The following FAF1 variants were observed in gnomAD, a reference collection of about 807,000 sequenced individuals.
FAF1 encodes Fas associated factor 1.
A neutral mutation model predicts 92.5 loss-of-function variants in FAF1; 25 were observed. The ratio of observed to expected loss-of-function variants is 0.27; its 90% CI spans 0.20 to 0.38. The LOEUF (loss-of-function observed/expected upper bound fraction) is 0.38. FAF1 is among the 10% of genes least tolerant of loss of function. The pLI, the probability that FAF1 is intolerant of heterozygous loss-of-function variation, is 1.00. For missense variants in FAF1, 636 were observed against 793.3 expected, an observed-to-expected ratio of 0.80 and a Z score of 2.38; for synonymous variants, 234 against 273.2, an observed-to-expected ratio of 0.86 and a Z score of 1.42.
At position 50,591,960 on chromosome 1, in the gene FAF1, T is replaced by C. The variant is rs538576901; in HGVS notation, c.840+4161A>G. Among the ~76,000 whole-genome samples the C allele has an allele frequency of 2.0e-5, 3 of 152,298 alleles. No homozygotes were observed. In the East Asian group the frequency reaches 5.8e-4, roughly 29 times the overall value. ...GTCACCTCCTCTAGTCTTTTTTTAT[T>C]TCCTTTATTTAAAAAATATTCATTT... On this transcript the variant is annotated intron_variant, in intron 9 of 18. Coordinates refer to ENST00000396153, the MANE Select transcript of FAF1 (RefSeq NM_007051.3).
Position 50,441,356 on chromosome 1 carries a change from T to C in FAF1, c.*84A>G. 2.8e-6 allele frequency: 2 copies of C among 709,326 alleles called. No individual in the cohort carries two copies. Among genetic ancestry groups the C allele is most frequent in the Non-Finnish European group, 4.6e-6 (2 of 433,558 alleles). The allele number at this position is 709,326 out of a possible 1,614,324, so 43.9% of individuals were successfully genotyped here. ...GACATTGAATTGAGTGAGACGAGCGTGTGGGTGGGTTGGCGAGGAGCCCTT... is the reference window on the plus strand; with the variant it reads ...GACATTGAATTGAGTGAGACGAGCGCGTGGGTGGGTTGGCGAGGAGCCCTT... On this transcript the variant is annotated 3_prime_UTR_variant, in exon 19 of 19. Transcript: ENST00000396153.
chr1:50,525,104 T>A (rs1267338241), intron 15 of FAF1, among the ~76,000 whole-genome samples: 1 of 152,210 alleles, frequency 6.6e-6, no homozygotes, highest in African/African-American at 2.4e-5. Flanking sequence ...CAGGCTGGTC[T>A]CAAACTCCTG....
intron 4 of FAF1, among the ~76,000 whole-genome samples, chr1:50,772,979 A>C (rs1356241178): frequency 6.6e-6 from 1 of 152,240 alleles, no homozygotes; most frequent in Non-Finnish European, 1.5e-5. Flanking sequence ...AATGGCAAAG[A>C]CTACAAGACA....
intron 2 of FAF1, among the ~76,000 whole-genome samples, chr1:50,822,744 T>TTTTC (rs1644054466): frequency 1.4e-5 from 1 of 70,452 alleles, no homozygotes; most frequent in African/African-American, 5.0e-5. Flanking sequence ...TTTTTTGGTG[T>TTTTC]TTTTTCTTTC....
At chr1:50,649,838 G>A (rs976227592) in intron 8 of FAF1, among the ~76,000 whole-genome samples, 13 of 151,764 alleles carry the variant, frequency 8.6e-5, no homozygotes, top group Non-Finnish European at 1.5e-5. Flanking sequence ...GATGGCACGT[G>A]CCTGTAGTCC....
intron 7 of FAF1, among the ~76,000 whole-genome samples, chr1:50,686,973 C>T (rs909106118): frequency 6.6e-6 from 1 of 151,994 alleles, no homozygotes; most frequent in East Asian, 1.9e-4. Flanking sequence ...GGATTACAGG[C>T]GCATGCCACC....
At chr1:50,694,044 G>GACAT (rs1230198125) in intron 7 of FAF1, among the ~76,000 whole-genome samples, 5 of 151,620 alleles carry the variant, frequency 3.3e-5, no homozygotes, top group African/African-American at 7.3e-5. Context: ...ACATATACAT[G>GACAT]ACATGTATGA....
At chr1:50,543,633 T>C (rs1190671588) in intron 13 of FAF1, among the ~76,000 whole-genome samples, 1 of 152,212 alleles carries the variant, frequency 6.6e-6, no homozygotes, top group Admixed American at 6.5e-5. Context: ...TTTAACACTT[T>C]TATCATCATT....
At chr1:50,603,948 G>T (rs1246855491) in intron 8 of FAF1, among the ~76,000 whole-genome samples, 1 of 152,172 alleles carries the variant, frequency 6.6e-6, no homozygotes, top group African/African-American at 2.4e-5. Flanking sequence ...GCCTGGCCTT[G>T]CTGCGTTATA....
At chr1:50,709,607 T>A (rs1657832299) in intron 6 of FAF1, among the ~76,000 whole-genome samples, 1 of 152,122 alleles carries the variant, frequency 6.6e-6, no homozygotes. Flanking sequence ...TTGTCCCTGG[T>A]CATCAAGCTA....
intron 18 of FAF1, among the ~76,000 whole-genome samples, chr1:50,456,156 A>G (rs1298443997): frequency 6.6e-6 from 1 of 152,018 alleles, no homozygotes; most frequent in Non-Finnish European, 1.5e-5. Context: ...ATTCAGGCTC[A>G]ATTATAGTGC....
At chr1:50,726,578 C>T (rs1658666693) in intron 6 of FAF1, among the ~76,000 whole-genome samples, 1 of 152,074 alleles carries the variant, frequency 6.6e-6, no homozygotes, top group Non-Finnish European at 1.5e-5. Flanking sequence ...GCCTGTAATC[C>T]CAGCACTTTG....
intron 7 of FAF1, among the ~76,000 whole-genome samples, chr1:50,693,999 TTATA>T: frequency 6.8e-6 from 1 of 147,052 alleles, no homozygotes; most frequent in East Asian, 1.9e-4. Flanking sequence ...ATATGTGTCA[TTATA>T]TATATACATG....
intron 18 of FAF1, among the ~76,000 whole-genome samples, chr1:50,468,092 C>G (rs977089105): frequency 1.3e-5 from 2 of 151,842 alleles, no homozygotes; most frequent in South Asian, 2.1e-4. Context: ...ACCTGTGGTC[C>G]CAGCTACTCG....
At chr1:50,488,134 A>C (rs1292299321) in intron 17 of FAF1, among the ~76,000 whole-genome samples, 1 of 152,218 alleles carries the variant, frequency 6.6e-6, no homozygotes, top group African/African-American at 2.4e-5. Context: ...TAGAGTGCAT[A>C]GTATTATCCA....
chr1:50,790,406 C>T (rs1661520013), intron 3 of FAF1, among the ~76,000 whole-genome samples: 1 of 152,138 alleles, frequency 6.6e-6, no homozygotes, highest in South Asian at 2.1e-4. Context: ...TCCCAAAGTG[C>T]AGGGATTACA....
At chr1:50,690,981 T>G (rs899485059) in intron 7 of FAF1, among the ~76,000 whole-genome samples, 1 of 152,220 alleles carries the variant, frequency 6.6e-6, no homozygotes, top group Non-Finnish European at 1.5e-5. Flanking sequence ...ATCCATTCAT[T>G]CATTAGTGGA....
In FAF1 at chr1:50,864,754, C is replaced by T. The variant is rs979858986; in HGVS notation, c.46-6757G>A. ...TAAAAACCCTAGAAGAAAACCTAGG[C>T]ATTACCATTCAGGACGTAGGCATGG... is the stretch of plus-strand genomic sequence containing the variant. On this transcript the variant is annotated intron_variant, in intron 1 of 18. Transcript: ENST00000396153. Among the ~76,000 whole-genome samples, 20 of 152,294 alleles carry T rather than the reference C, an allele frequency of 1.3e-4. 1 individual carries two copies. Among genetic ancestry groups the T allele is most frequent in the African/African-American group, 4.8e-4 (20 of 41,560 alleles).
chr1:50,606,834 T>C (rs1274448243), intron 8 of FAF1: 2 of 152,156 alleles, frequency 1.3e-5, no homozygotes, highest in African/African-American at 2.4e-5. Context: ...CCATATCTTA[T>C]ATCACTCATT....
Sources: gnomAD v4.1 joint callset for allele counts (sites outside exome capture counted in the v4.1 genomes callset) on GRCh38, gnomAD v4.1.1 for gene constraint, MANE v1.5 for transcripts, NCBI Gene and HGNC (gene_info 2026-07-23, HGNC 2026-07-21) for gene names.